PPP1R42: variants seen among roughly 807,000 people sequenced by gnomAD.
The protein encoded by PPP1R42 is leucine rich repeat containing 67.
In PPP1R42, 34 loss-of-function variants were observed where a neutral mutation model predicts 31.0. That is an observed-to-expected ratio of 1.10 (90% confidence interval 0.83 to 1.46). PPP1R42 has a LOEUF of 1.46. PPP1R42 is among the 40% of genes most tolerant of loss of function. The pLI, the probability that PPP1R42 is intolerant of heterozygous loss-of-function variation, is 0.00. For synonymous variants in PPP1R42, 103 were observed against 109.8 expected (o/e 0.94, Z 0.39); for missense variants, 268 against 303.0 (o/e 0.88, Z 0.86).
At chr8:66,970,751 A>C (rs1814515709) in intron 7 of PPP1R42, 1 of 515,606 alleles carries the variant, frequency 1.9e-6, no homozygotes, top group Non-Finnish European at 3.7e-6. Flanking sequence ...GGGTGTATCC[A>C]GTCTAACGCC....
In PPP1R42 at chr8:67,003,287, A is replaced by AT. The variant is rs887507626; in HGVS notation, c.552+7427dup. On this transcript the variant is annotated intron_variant, in intron 5 of 7. Transcript: ENST00000685739. ...CTTTAAATTATACAGTATATTTATA[A>AT]TTTTTTTTTAAAGTCTTATCTCCTA... 5.0e-5 allele frequency among the ~76,000 whole-genome samples: 7 copies of AT among 139,496 alleles called. No homozygotes were observed. The South Asian group carries it at 8.9e-4, about 18-fold the overall frequency. The allele number at this position is 139,496 out of a possible 152,430, so 91.5% of individuals were successfully genotyped here.
chr8:66,971,790 T>C (rs1000019097), intron 7 of PPP1R42, among the ~76,000 whole-genome samples: 1 of 152,232 alleles, frequency 6.6e-6, no homozygotes, highest in Non-Finnish European at 1.5e-5. Flanking sequence ...ATACTTAGGA[T>C]AAGATTTTTA....
At chr8:66,971,078 A>C in intron 7 of PPP1R42, 1 of 1,534,506 alleles carries the variant, frequency 6.5e-7, no homozygotes, top group Non-Finnish European at 8.7e-7. Flanking sequence ...AAAAAGGCTA[A>C]TTTTGGCTTA....
rs771538345 is a variant in PPP1R42, at chr8:67,017,769, C to T, written c.-22G>A. The T allele has an allele frequency of 6.4e-7, 1 of 1,560,436 alleles. No individual in the cohort carries two copies. The highest frequency in any genetic ancestry group is 1.3e-5 in the South Asian group (1 of 77,820). The stretch of plus-strand genomic sequence containing the variant: ...CCATAATTTCTTTATAAATCAAACT[C>T]TCAGCAAAAGCTCTGTTTTGACACC... On this transcript the variant is annotated 5_prime_UTR_variant, in exon 2 of 8. Transcript: ENST00000685739.
chr8:67,002,523 G>GT, intron 5 of PPP1R42, among the ~76,000 whole-genome samples: 1 of 152,092 alleles, frequency 6.6e-6, no homozygotes, highest in African/African-American at 2.4e-5. Context: ...ATTATCATTG[G>GT]TTTTCTAGCA....
At position 67,025,726 on chromosome 8, in the gene PPP1R42, C is replaced by T. The variant is rs565281248; in HGVS notation, c.-85+2765G>A. ...CTAAGTTAGAAAAAGGACAGTAGGC[C>T]GGGTGCGGTGGCTCATGCCTGTAAT... On this transcript the variant is annotated intron_variant, in intron 1 of 7. Transcript: ENST00000685739. 5.3e-5 allele frequency among the ~76,000 whole-genome samples: 8 copies of T among 151,794 alleles called. No homozygotes were observed. In the South Asian group the frequency reaches 1.5e-3, roughly 28 times the overall value.
intron 6 of PPP1R42, among the ~76,000 whole-genome samples, chr8:66,983,051 C>T (rs1425231641): frequency 6.6e-6 from 1 of 151,698 alleles, no homozygotes; most frequent in Non-Finnish European, 1.5e-5. Flanking sequence ...CCTGGGATTA[C>T]AGAGGTGTGA....
chr8:66,983,226 T>G (rs976164036), intron 6 of PPP1R42, among the ~76,000 whole-genome samples: 1 of 152,182 alleles, frequency 6.6e-6, no homozygotes, highest in Admixed American at 6.5e-5. Flanking sequence ...TATATAAAAT[T>G]GGAATCCTCT....
chr8:66,973,645 A>T (rs759338090), intron 7 of PPP1R42, among the ~76,000 whole-genome samples: 1 of 151,398 alleles, frequency 6.6e-6, no homozygotes, highest in Admixed American at 6.6e-5. Flanking sequence ...TGTACAATAC[A>T]TTATTTTTTT....
intron 1 of PPP1R42, among the ~76,000 whole-genome samples, chr8:67,026,728 AG>A (rs1189217549): frequency 2.6e-5 from 4 of 152,026 alleles, no homozygotes; most frequent in Non-Finnish European, 5.9e-5. Flanking sequence ...GCTATTTGGG[AG>A]GTTGAGGCAG....
At chr8:66,964,794 AGTT>A (rs1310771568) in intron 7 of PPP1R42, among the ~76,000 whole-genome samples, 7 of 152,192 alleles carry the variant, frequency 4.6e-5, no homozygotes, top group African/African-American at 1.4e-4. Flanking sequence ...TAATTTACAT[AGTT>A]AAGTTCACCC....
At chr8:66,977,994 T>C (rs1469925944) in intron 7 of PPP1R42, among the ~76,000 whole-genome samples, 1 of 152,202 alleles carries the variant, frequency 6.6e-6, no homozygotes, top group East Asian at 1.9e-4. Flanking sequence ...TTCTCTATAG[T>C]GGTTGTACAA....
intron 7 of PPP1R42, among the ~76,000 whole-genome samples, chr8:66,967,437 G>A (rs944992005): frequency 7.2e-5 from 11 of 152,188 alleles, no homozygotes; most frequent in African/African-American, 1.2e-4. Flanking sequence ...TAAATAGACC[G>A]TTATGTTTAA....
At chr8:66,978,148 C>T (rs1387315870) in intron 7 of PPP1R42, among the ~76,000 whole-genome samples, 1 of 152,158 alleles carries the variant, frequency 6.6e-6, no homozygotes, top group Non-Finnish European at 1.5e-5. Context: ...AATGGACTCA[C>T]AGTTCCACAT....
chr8:67,027,853 C>A (rs1300087314), intron 1 of PPP1R42, among the ~76,000 whole-genome samples: 2 of 151,966 alleles, frequency 1.3e-5, no homozygotes, highest in African/African-American at 4.8e-5. Context: ...CTTACTAGAT[C>A]TCTCTCTCCC....
At chr8:66,973,386 C>G (rs1056765166) in intron 7 of PPP1R42, among the ~76,000 whole-genome samples, 1 of 152,010 alleles carries the variant, frequency 6.6e-6, no homozygotes, top group African/African-American at 2.4e-5. Flanking sequence ...TCACTGCAGC[C>G]TCTGCCTCCC....
intron 5 of PPP1R42, among the ~76,000 whole-genome samples, chr8:66,993,755 ATC>A (rs1258533309): frequency 6.6e-6 from 1 of 152,160 alleles, no homozygotes; most frequent in Non-Finnish European, 1.5e-5. Flanking sequence ...CAGGGATCAT[ATC>A]TGTTTTCTGC....
chr8:67,003,001 C>CAA (rs1219485285), intron 5 of PPP1R42, among the ~76,000 whole-genome samples: 4 of 127,702 alleles, frequency 3.1e-5, no homozygotes, highest in East Asian at 2.2e-4. Context: ...ACTAAAAATA[C>CAA]AAAAAAAAAA....
intron 7 of PPP1R42, among the ~76,000 whole-genome samples, chr8:66,966,691 A>G (rs1462512065): frequency 1.3e-5 from 2 of 152,068 alleles, no homozygotes; most frequent in Non-Finnish European, 2.9e-5. Context: ...AGGCTGAGGC[A>G]GGAGAATGGC....
Sources: gnomAD v4.1 joint callset for allele counts (sites outside exome capture counted in the v4.1 genomes callset) on GRCh38, gnomAD v4.1.1 for gene constraint, MANE v1.5 for transcripts, NCBI Gene and HGNC (gene_info 2026-07-23, HGNC 2026-07-21) for gene names.